IMMP2L: variants seen among roughly 807,000 people sequenced by gnomAD.
IMMP2L encodes mitochondrial inner membrane protease subunit 2.
In IMMP2L, 18 loss-of-function variants were observed where a neutral mutation model predicts 19.3. That is an observed-to-expected ratio of 0.93 (90% confidence interval 0.64 to 1.38). IMMP2L has a LOEUF of 1.38. Among genes scored for constraint, IMMP2L ranks in the 40% most tolerant of loss-of-function variants. The pLI, the probability that IMMP2L is intolerant of heterozygous loss-of-function variation, is 0.00. For missense variants in IMMP2L, 233 were observed against 218.2 expected, an observed-to-expected ratio of 1.07 and a Z score of -0.43; for synonymous variants, 76 against 73.0, an observed-to-expected ratio of 1.04 and a Z score of -0.21.
chr7:110,960,937 T>C (rs913544555), intron 4 of IMMP2L, among the ~76,000 whole-genome samples: 2 of 151,800 alleles, frequency 1.3e-5, no homozygotes, highest in African/African-American at 4.8e-5. Flanking sequence ...GGACAGATAC[T>C]CAATATCACT....
chr7:110,984,299 A>T (rs968381473), intron 3 of IMMP2L, among the ~76,000 whole-genome samples: 1 of 152,012 alleles, frequency 6.6e-6, no homozygotes, highest in Non-Finnish European at 1.5e-5. Flanking sequence ...ACCAAAAAAA[A>T]AAAACCACCT....
intron 3 of IMMP2L, among the ~76,000 whole-genome samples, chr7:111,272,754 C>T (rs1239229930): frequency 6.6e-6 from 1 of 152,162 alleles, no homozygotes; most frequent in Non-Finnish European, 1.5e-5. Context: ...TCACCTAGCC[C>T]TTTTCTTTGG....
At chr7:110,970,932 T>C (rs746729953) in intron 3 of IMMP2L, among the ~76,000 whole-genome samples, 18 of 152,110 alleles carry the variant, frequency 1.2e-4, no homozygotes, top group Non-Finnish European at 1.8e-4. Flanking sequence ...GGTTGGGAAA[T>C]AGTACCACAT....
intron 4 of IMMP2L, among the ~76,000 whole-genome samples, chr7:110,957,188 C>A (rs560739147): frequency 6.6e-6 from 1 of 151,904 alleles, no homozygotes; most frequent in Non-Finnish European, 1.5e-5. Context: ...TCAGGCCCTC[C>A]CCAGTCTCAT....
At chr7:110,743,977 G>T (rs1797158400) in intron 5 of IMMP2L, among the ~76,000 whole-genome samples, 1 of 152,150 alleles carries the variant, frequency 6.6e-6, no homozygotes, top group African/African-American at 2.4e-5. Context: ...TCGGAGCCCA[G>T]ATGGAGCTCA....
chr7:111,293,778 T>A (rs898418406), intron 3 of IMMP2L, among the ~76,000 whole-genome samples: 1 of 151,936 alleles, frequency 6.6e-6, no homozygotes, highest in Non-Finnish European at 1.5e-5. Context: ...TTATCTCATT[T>A]AATCCTCAGA....
chr7:111,505,470 C>T (rs1437795101), intron 2 of IMMP2L, among the ~76,000 whole-genome samples: 1 of 152,116 alleles, frequency 6.6e-6, no homozygotes, highest in African/African-American at 2.4e-5. Flanking sequence ...CATCCCATTG[C>T]TGGGTATATA....
intron 2 of IMMP2L, among the ~76,000 whole-genome samples, chr7:111,492,641 A>C (rs1843208276): frequency 6.6e-6 from 1 of 152,220 alleles, no homozygotes; most frequent in Non-Finnish European, 1.5e-5. Flanking sequence ...TTTCCCTTAT[A>C]GAATCACTCA....
intron 3 of IMMP2L, among the ~76,000 whole-genome samples, chr7:111,147,903 A>C (rs1803653688): frequency 6.6e-6 from 1 of 152,158 alleles, no homozygotes; most frequent in Non-Finnish European, 1.5e-5. Flanking sequence ...AAGAACAGTG[A>C]GCTTTCTATG....
At chr7:111,438,254 G>T (rs1211356329) in intron 3 of IMMP2L, among the ~76,000 whole-genome samples, 5 of 151,508 alleles carry the variant, frequency 3.3e-5, no homozygotes, top group Non-Finnish European at 4.4e-5. Context: ...AAAATAACAT[G>T]CTGACAGTCT....
At chr7:110,749,717 A>C (rs1797604745) in intron 5 of IMMP2L, among the ~76,000 whole-genome samples, 1 of 152,102 alleles carries the variant, frequency 6.6e-6, no homozygotes, top group Admixed American at 6.6e-5. Context: ...GTACACAGGG[A>C]TGGGAACATC....
intron 5 of IMMP2L, among the ~76,000 whole-genome samples, chr7:110,868,986 C>G (rs2129543637): frequency 6.6e-6 from 1 of 151,834 alleles, no homozygotes; most frequent in South Asian, 2.1e-4. Flanking sequence ...GAAAAGGAAG[C>G]TTTAAGTTTT....
chr7:111,511,214 A>G (rs561949523), intron 2 of IMMP2L, among the ~76,000 whole-genome samples: 5 of 152,260 alleles, frequency 3.3e-5, no homozygotes, highest in East Asian at 1.9e-4. Flanking sequence ...CAAGGTGGAA[A>G]GAAGATAAAC....
chr7:110,939,876 G>A (rs987106116), intron 4 of IMMP2L, among the ~76,000 whole-genome samples: 12 of 152,232 alleles, frequency 7.9e-5, no homozygotes, highest in African/African-American at 2.4e-4. Flanking sequence ...GGAACCCAAT[G>A]CTATATTTTG....
At chr7:110,846,973 G>C (rs894487454) in intron 5 of IMMP2L, among the ~76,000 whole-genome samples, 4 of 152,072 alleles carry the variant, frequency 2.6e-5, no homozygotes, top group African/African-American at 9.7e-5. Flanking sequence ...TCAAACTACT[G>C]TCTAGAACTA....
intron 3 of IMMP2L, among the ~76,000 whole-genome samples, chr7:111,005,978 A>G (rs573725928): frequency 6.8e-6 from 1 of 146,836 alleles, no homozygotes; most frequent in African/African-American, 2.5e-5. Context: ...TTTTTTTTTT[A>G]AGCCATGGGC....
At chr7:110,996,636 CT>C (rs556616702) in intron 3 of IMMP2L, among the ~76,000 whole-genome samples, 3 of 151,286 alleles carry the variant, frequency 2.0e-5, no homozygotes, top group Admixed American at 2.0e-4. Context: ...TTAAAATCCT[CT>C]TTTTTTTTCT....
intron 3 of IMMP2L, among the ~76,000 whole-genome samples, chr7:111,002,515 T>A (rs1035877188): frequency 3.9e-5 from 6 of 152,184 alleles, no homozygotes; most frequent in African/African-American, 1.2e-4. Context: ...AGAGCTTAGA[T>A]GAGTGCTTCA....
In IMMP2L at chr7:110,885,341, G is replaced by A. The variant is rs536349308; in HGVS notation, c.408+1252C>T. Among the ~76,000 whole-genome samples, 3 of 151,920 alleles carry A rather than the reference G, an allele frequency of 2.0e-5. No individual in the cohort carries two copies. In the South Asian group the frequency reaches 6.2e-4, roughly 32 times the overall value. ...ATTTCAGATTTCAGACTTTTGGATT[G>A]GGATGCTCAACTTATATATACGTTA... On this transcript the variant is annotated intron_variant, in intron 5 of 5. Coordinates refer to ENST00000405709, the MANE Select transcript of IMMP2L (RefSeq NM_032549.4).
Sources: allele counts gnomAD v4.1 joint callset (sites outside exome capture counted in the v4.1 genomes callset), GRCh38; gene constraint gnomAD v4.1.1; transcripts MANE v1.5; gene names NCBI Gene and HGNC (gene_info 2026-07-23, HGNC 2026-07-21).